STAMBPL1: variants seen among roughly 807,000 people sequenced by gnomAD.
STAMBPL1 encodes the protein AMSH-like protease.
Under a neutral mutation model 52.9 loss-of-function variants are expected in STAMBPL1, and 44 were observed. That is an observed-to-expected ratio of 0.83 (90% CI 0.65 to 1.07). The LOEUF is 1.07. Among genes scored for constraint, STAMBPL1 ranks in the 50% least tolerant of loss-of-function variants. The probability of loss-of-function intolerance (pLI) is 0.00; values close to 1 mark genes in which losing one functional copy is unlikely to be tolerated. For synonymous variants in STAMBPL1, 164 were observed against 177.3 expected (o/e 0.92, Z 0.60); for missense variants, 511 against 520.8 (o/e 0.98, Z 0.18).
intron 4 of STAMBPL1, 30 bp from the exon 5 acceptor site, chr10:88,910,886 C>A: frequency 6.8e-7 from 1 of 1,460,080 alleles, no homozygotes; most frequent in Non-Finnish European, 9.3e-7. Flanking sequence ...GAAAATCCCA[C>A]TAATCAATAT....
intron 8 of STAMBPL1, among the ~76,000 whole-genome samples, chr10:88,918,514 C>A (rs1379444244): frequency 6.6e-6 from 1 of 152,018 alleles, no homozygotes; most frequent in Non-Finnish European, 1.5e-5. Context: ...AACAAGATAC[C>A]AGGTGTGAAA....
chr10:88,908,468 A>G (rs1845132731), intron 3 of STAMBPL1, among the ~76,000 whole-genome samples: 1 of 152,208 alleles, frequency 6.6e-6, no homozygotes, highest in Non-Finnish European at 1.5e-5. Context: ...CTGTTTGGAA[A>G]GTACCCTGAC....
At chr10:88,893,508 G>A (rs188573345) in intron 1 of STAMBPL1, among the ~76,000 whole-genome samples, 156 of 152,240 alleles carry the variant, frequency 1.0e-3, no homozygotes, top group African/African-American at 3.5e-3. Context: ...TTGGGAGGCC[G>A]AGGCGGGCGG....
intron 1 of STAMBPL1, among the ~76,000 whole-genome samples, chr10:88,888,988 G>T (rs1232879001): frequency 2.0e-5 from 3 of 152,248 alleles, no homozygotes; most frequent in Middle Eastern, 3.4e-3. Context: ...AAAAATTCCA[G>T]TATACTTAAT....
intron 1 of STAMBPL1, among the ~76,000 whole-genome samples, chr10:88,883,638 T>C (rs1206965740): frequency 3.3e-5 from 5 of 152,262 alleles, no homozygotes; most frequent in Non-Finnish European, 7.3e-5. Context: ...ACATTTGGCA[T>C]ACTGCTGAGT....
At chr10:88,899,660 C>G (rs371130383) in intron 1 of STAMBPL1, among the ~76,000 whole-genome samples, 27 of 152,146 alleles carry the variant, frequency 1.8e-4, no homozygotes, top group African/African-American at 3.1e-4. Context: ...CAGGCGTGCA[C>G]TACCACGCCT....
intron 1 of STAMBPL1, among the ~76,000 whole-genome samples, chr10:88,890,712 A>G (rs536460087): frequency 1.3e-5 from 2 of 152,378 alleles, no homozygotes; most frequent in African/African-American, 4.8e-5. Flanking sequence ...TTTAGATGCC[A>G]ACATTTACAA....
chr10:88,886,121 A>G (rs1386060858), intron 1 of STAMBPL1, among the ~76,000 whole-genome samples: 2 of 152,262 alleles, frequency 1.3e-5, no homozygotes, highest in Non-Finnish European at 2.9e-5. Context: ...GCAAATTGGA[A>G]CACTTCTTAA....
Position 88,914,525 on chromosome 10 carries a change from GT to G in STAMBPL1, c.779-6del, listed in dbSNP as rs747831350. 6.8e-7 allele frequency: 1 copy of G among 1,476,494 alleles called. No individual in the cohort carries two copies. The highest frequency in any genetic ancestry group is 9.0e-7 in the Non-Finnish European group (1 of 1,112,058). 91.5% of individuals were successfully genotyped at this position (1,476,494 alleles called of 1,614,324 possible). A position where few individuals can be genotyped will look rare whatever the true frequency, so the allele number is the denominator to read the frequency against. ...TTTTTTAGCCTTTTCTCCCTTTTTT[GT>G]TTCTTAGATTTAGTGGTTGAAGGAC... On this transcript the variant is annotated splice_polypyrimidine_tract_variant and splice_region_variant and intron_variant, in intron 6 of 10. Transcript: ENST00000371926.
intron 2 of STAMBPL1, among the ~76,000 whole-genome samples, chr10:88,902,294 T>C (rs951098119): frequency 3.3e-5 from 5 of 152,224 alleles, no homozygotes; most frequent in Non-Finnish European, 7.3e-5. Context: ...AGACACATTA[T>C]GTAATCTCCA....
chr10:88,915,220 G>A (rs1845338950), intron 7 of STAMBPL1, among the ~76,000 whole-genome samples: 1 of 152,148 alleles, frequency 6.6e-6, no homozygotes, highest in Non-Finnish European at 1.5e-5. Flanking sequence ...ATGAAAGAGA[G>A]GAGATGCATT....
chr10:88,902,627 A>G (rs1348898871), intron 2 of STAMBPL1, among the ~76,000 whole-genome samples: 2 of 152,070 alleles, frequency 1.3e-5, no homozygotes, highest in Middle Eastern at 3.4e-3. Flanking sequence ...TGGAGTGCCA[A>G]TGGCACAATC....
chr10:88,919,002 A>G (rs1845439675), intron 8 of STAMBPL1, among the ~76,000 whole-genome samples: 3 of 152,212 alleles, frequency 2.0e-5, no homozygotes, highest in Non-Finnish European at 4.4e-5. Context: ...CAAAAATGTT[A>G]CATTTCTAAA....
chr10:88,893,408 T>G (rs539892710), intron 1 of STAMBPL1, among the ~76,000 whole-genome samples: 2 of 152,270 alleles, frequency 1.3e-5, no homozygotes, highest in East Asian at 3.9e-4. Flanking sequence ...ACATATACCA[T>G]GTAGTCAGTC....
At chr10:88,907,578 G>A (rs934913489) in intron 3 of STAMBPL1, among the ~76,000 whole-genome samples, 7 of 152,150 alleles carry the variant, frequency 4.6e-5, no homozygotes, top group Non-Finnish European at 8.8e-5. Flanking sequence ...GAATTACTGT[G>A]TAATCAAAAT....
chr10:88,908,368 TTC>T (rs1184454254), intron 3 of STAMBPL1, among the ~76,000 whole-genome samples: 1 of 152,224 alleles, frequency 6.6e-6, no homozygotes, highest in Non-Finnish European at 1.5e-5. Context: ...TTTTATGTGA[TTC>T]TCTCTGTTGC....
rs1383151122 is a variant in STAMBPL1 at position 88,908,597 on chromosome 10, T to A, written c.249-105T>A. 3.3e-6 allele frequency: 3 copies of A among 910,498 alleles called. No individual in the cohort carries two copies. The African/African-American group carries it at 5.1e-5, about 15-fold the overall frequency. 56.4% of individuals were successfully genotyped at this position (910,498 alleles called of 1,614,324 possible). On this transcript the variant is annotated intron_variant, in intron 3 of 10. Coordinates refer to ENST00000371926, the MANE Select transcript of STAMBPL1 (RefSeq NM_020799.4). ...CAAGACTGAAGGTAAATGAATAAGT[T>A]ATTAAACATGTCATTTTTGAAAAAG...
intron 1 of STAMBPL1, among the ~76,000 whole-genome samples, chr10:88,884,219 AG>A: frequency 1.3e-5 from 2 of 152,370 alleles, no homozygotes; most frequent in Middle Eastern, 6.8e-3. Flanking sequence ...ACTGTTCTGA[AG>A]TAGCACAAAC....
intron 6 of STAMBPL1, among the ~76,000 whole-genome samples, chr10:88,914,327 C>G (rs1845312107): frequency 6.6e-6 from 1 of 152,002 alleles, no homozygotes; most frequent in African/African-American, 2.4e-5. Context: ...TCTGATTTTG[C>G]TTATAAAATA....
Sources: gnomAD v4.1 joint callset for allele counts (sites outside exome capture counted in the v4.1 genomes callset) on GRCh38, gnomAD v4.1.1 for gene constraint, MANE v1.5 for transcripts, NCBI Gene and HGNC (gene_info 2026-07-23, HGNC 2026-07-21) for gene names.